HDAC9: variants seen among roughly 807,000 people sequenced by gnomAD.
The protein encoded by HDAC9 is MEF-2 interacting transcription repressor (MITR) protein.
Under a neutral mutation model 139.4 loss-of-function variants are expected in HDAC9, and 41 were observed. The observed-to-expected ratio is 0.29, with a 90% CI of 0.23 to 0.38. The LOEUF is 0.38. HDAC9 is among the 10% of genes least tolerant of loss of function. HDAC9 has a pLI of 1.00. For missense variants in HDAC9, 1,147 were observed against 1,297.0 expected, an observed-to-expected ratio of 0.88 and a Z score of 1.78; for synonymous variants, 517 against 476.2, an observed-to-expected ratio of 1.09 and a Z score of -1.12.
At chr7:18,441,679 G>T (rs1033011298) in intron 1 of HDAC9, among the ~76,000 whole-genome samples, 5 of 152,150 alleles carry the variant, frequency 3.3e-5, no homozygotes, top group African/African-American at 1.2e-4. Flanking sequence ...ACAAAAGAAA[G>T]AAAATTATTT....
intron 17 of HDAC9, among the ~76,000 whole-genome samples, chr7:18,824,884 A>G (rs1795294309): frequency 6.6e-6 from 1 of 152,238 alleles, no homozygotes; most frequent in Non-Finnish European, 1.5e-5. Flanking sequence ...GAATGCATTC[A>G]GATATAACTG....
intron 2 of HDAC9, among the ~76,000 whole-genome samples, chr7:18,182,792 G>A (rs1789554076): frequency 6.6e-6 from 1 of 152,140 alleles, no homozygotes; most frequent in South Asian, 2.1e-4. Context: ...AGATTGGCTT[G>A]AGAATAAGGC....
intron 1 of HDAC9, among the ~76,000 whole-genome samples, chr7:18,351,362 T>A (rs960353382): frequency 2.6e-5 from 4 of 152,170 alleles, no homozygotes; most frequent in African/African-American, 9.6e-5. Context: ...GTTTTCCAAT[T>A]TCATTCTGTC....
At chr7:18,318,669 T>C (rs2128632959) in intron 1 of HDAC9, among the ~76,000 whole-genome samples, 1 of 152,346 alleles carries the variant, frequency 6.6e-6, no homozygotes, top group East Asian at 1.9e-4. Context: ...ATCAATTCTT[T>C]TCTTGAGAGA....
rs200316321 is a variant in HDAC9, at chr7:18,204,120, TA to T, written c.25+41779del. On this transcript the variant is annotated intron_variant, in intron 2 of 12. Transcript: ENST00000417496. ...AGGGACCTCCATTAGTGGGGAAAGG[TA>T]AAAAAAATTTAGTGACAGTGAAAGT... Among the ~76,000 whole-genome samples the T allele has an allele frequency of 3.2e-3, 481 of 152,066 alleles. 4 individuals are homozygous for T. Among genetic ancestry groups the T allele is most frequent in the East Asian group, 0.031 (162 of 5,182 alleles).
chr7:18,216,950 T>C (rs1295330328), intron 2 of HDAC9, among the ~76,000 whole-genome samples: 2 of 152,172 alleles, frequency 1.3e-5, no homozygotes, highest in African/African-American at 4.8e-5. Context: ...GAAGGGACTT[T>C]TTTTTAAAAC....
intron 2 of HDAC9, among the ~76,000 whole-genome samples, chr7:18,234,001 A>T (rs1415230185): frequency 6.6e-6 from 1 of 152,184 alleles, no homozygotes; most frequent in African/African-American, 2.4e-5. Flanking sequence ...CCAAACAAAC[A>T]CTGACATAAA....
At chr7:18,429,438 C>T (rs1441683569) in intron 1 of HDAC9, 2 of 152,062 alleles carry the variant, frequency 1.3e-5, no homozygotes, top group African/African-American at 4.8e-5. Flanking sequence ...TGTAATACTC[C>T]TTCACCCATT....
chr7:18,849,312 A>T (rs1330944385), intron 21 of HDAC9, among the ~76,000 whole-genome samples: 1 of 152,310 alleles, frequency 6.6e-6, no homozygotes, highest in East Asian at 1.9e-4. Flanking sequence ...CACACCCTAA[A>T]GACAAAGAAA....
At chr7:18,806,333 G>A (rs1333489199) in intron 17 of HDAC9, among the ~76,000 whole-genome samples, 2 of 152,188 alleles carry the variant, frequency 1.3e-5, no homozygotes, top group Admixed American at 6.5e-5. Flanking sequence ...CAAGATGTCA[G>A]CAGGACTACA....
chr7:18,609,722 C>G (rs1268605994), intron 6 of HDAC9, among the ~76,000 whole-genome samples: 1 of 151,990 alleles, frequency 6.6e-6, no homozygotes, highest in East Asian at 1.9e-4. Flanking sequence ...TGTTGGTGTG[C>G]TGCACCCATT....
chr7:18,574,438 G>A (rs541184268), intron 2 of HDAC9, among the ~76,000 whole-genome samples: 2 of 152,210 alleles, frequency 1.3e-5, no homozygotes, highest in Non-Finnish European at 2.9e-5. Flanking sequence ...GACGGCCATG[G>A]GTGGGCCTGG....
At chr7:18,714,612 T>C (rs1278891099) in intron 12 of HDAC9, among the ~76,000 whole-genome samples, 1 of 152,200 alleles carries the variant, frequency 6.6e-6, no homozygotes, top group Non-Finnish European at 1.5e-5. Context: ...TGCTATGCTG[T>C]CTACATGGAA....
Position 18,147,185 on chromosome 7 carries a change from C to A in HDAC9, c.-96-15044C>A, listed in dbSNP as rs1431113055. On this transcript the variant is annotated intron_variant, in intron 1 of 12. Transcript: ENST00000417496. ...TTATTATGGTCCATTTTGTAAATAC[C>A]CGCTTGCAAATAGACCTCTTCATAC... 2.6e-5 allele frequency among the ~76,000 whole-genome samples: 4 copies of A among 151,982 alleles called. No homozygotes were observed. In the East Asian group the frequency reaches 7.7e-4, roughly 29 times the overall value.
chr7:18,418,729 A>AT (rs927321886), intron 1 of HDAC9, among the ~76,000 whole-genome samples: 7 of 151,526 alleles, frequency 4.6e-5, no homozygotes, highest in South Asian at 2.1e-4. Context: ...AATCGTAAGA[A>AT]TTTTTTTTTA....
chr7:18,913,060 T>G (rs1046745188), intron 22 of HDAC9, among the ~76,000 whole-genome samples: 2 of 152,116 alleles, frequency 1.3e-5, no homozygotes, highest in African/African-American at 4.8e-5. Flanking sequence ...GCTTAAAAAC[T>G]TTCTATTTCT....
At chr7:18,595,110 A>G (rs1252365940) in intron 6 of HDAC9, among the ~76,000 whole-genome samples, 1 of 152,044 alleles carries the variant, frequency 6.6e-6, no homozygotes, top group African/African-American at 2.4e-5. Context: ...AAATAAAATC[A>G]GTTATGAATA....
At chr7:18,396,970 TC>T (rs1436005359) in intron 1 of HDAC9, among the ~76,000 whole-genome samples, 1 of 152,004 alleles carries the variant, frequency 6.6e-6, no homozygotes, top group Non-Finnish European at 1.5e-5. Flanking sequence ...TACCGATTGC[TC>T]CCCACCCTTG....
At chr7:18,632,137 A>G (rs1782543831) in intron 7 of HDAC9, among the ~76,000 whole-genome samples, 1 of 152,062 alleles carries the variant, frequency 6.6e-6, no homozygotes, top group South Asian at 2.1e-4. Flanking sequence ...GAGTTGGGAA[A>G]AAGAAGCTCC....
Sources: allele counts gnomAD v4.1 joint callset (sites outside exome capture counted in the v4.1 genomes callset), GRCh38; gene constraint gnomAD v4.1.1; transcripts MANE v1.5; gene names NCBI Gene and HGNC (gene_info 2026-07-23, HGNC 2026-07-21).